The following DNAH3 variants were observed in gnomAD, a reference collection of about 807,000 sequenced individuals.
DNAH3 encodes axonemal beta dynein heavy chain 3.
In DNAH3, 332 loss-of-function variants were observed where a neutral mutation model predicts 432.5. That is an observed-to-expected ratio of 0.77 (90% CI 0.70 to 0.84). The LOEUF (loss-of-function observed/expected upper bound fraction) is 0.84, where lower values mean the gene tolerates loss of function less well. Ranked by LOEUF, DNAH3 falls within the 40% of genes least tolerant of loss-of-function variation. DNAH3 has a pLI of 0.00. For missense variants in DNAH3, 4,861 were observed against 5,114.0 expected, an observed-to-expected ratio of 0.95 and a Z score of 1.51; for synonymous variants, 1,956 against 1,900.2, an observed-to-expected ratio of 1.03 and a Z score of -0.76.
At chr16:21,130,831 T>C (rs1452356830) in intron 7 of DNAH3, among the ~76,000 whole-genome samples, 2 of 152,214 alleles carry the variant, frequency 1.3e-5, no homozygotes, top group Non-Finnish European at 2.9e-5. Flanking sequence ...TGAACTTCTT[T>C]ATGAAGTTTC....
Position 21,085,208 on chromosome 16 carries a change from C to T in DNAH3, c.2877+1641G>A, listed in dbSNP as rs550236663. ...AGCCTGGGCAACATAGTAAGACCCC[C>T]CCCATCTCTATTTTAAAAATCAATT... is the stretch of plus-strand genomic sequence containing the variant. On this transcript the variant is annotated intron_variant, in intron 19 of 61. Transcript: ENST00000261383. 7.0e-4 allele frequency among the ~76,000 whole-genome samples: 106 copies of T among 151,790 alleles called. 1 individual carries two copies. Among genetic ancestry groups the T allele is most frequent in the Admixed American group, 5.3e-3 (80 of 15,238 alleles).
intron 37 of DNAH3, among the ~76,000 whole-genome samples, chr16:21,027,931 G>T (rs1211904056): frequency 6.6e-6 from 1 of 152,144 alleles, no homozygotes; most frequent in Non-Finnish European, 1.5e-5. Context: ...TTGAACACCC[G>T]CATGGACTAA....
chr16:21,155,782 G>A (rs1240573489), intron 1 of DNAH3, among the ~76,000 whole-genome samples: 2 of 152,086 alleles, frequency 1.3e-5, no homozygotes, highest in African/African-American at 2.4e-5. Context: ...AACATGGGGA[G>A]CAGAGGTCAG....
At chr16:21,084,308 TTTTTACTTTATTTA>T (rs1470882628) in intron 19 of DNAH3, among the ~76,000 whole-genome samples, 8 of 149,516 alleles carry the variant, frequency 5.4e-5, no homozygotes, top group Non-Finnish European at 1.2e-4. Context: ...GGTTAGAATT[TTTTTACTTTATTTA>T]TTTATTTATT....
Position 21,006,760 on chromosome 16 carries a change from T to C in DNAH3, c.6023-3553A>G, listed in dbSNP as rs370323678. ...GAGTGCAGTGGCACAATCTTGCTCA[T>C]TGCAACCTCAACCTCCTGGACTCAA... On this transcript the variant is annotated intron_variant, in intron 41 of 61. Transcript: ENST00000261383. 1.3e-3 allele frequency among the ~76,000 whole-genome samples: 191 copies of C among 151,916 alleles called. 7 individuals carry two copies. The South Asian group carries it at 0.039, about 31-fold the overall frequency.
chr16:21,036,156 C>G (rs1226053463), intron 35 of DNAH3, among the ~76,000 whole-genome samples: 1 of 152,056 alleles, frequency 6.6e-6, no homozygotes, highest in Non-Finnish European at 1.5e-5. Context: ...GAAACCCCAT[C>G]CCTACAAAAA....
intron 49 of DNAH3, among the ~76,000 whole-genome samples, chr16:20,980,298 A>ATATATTATATTATATATTATAATATATAC (rs1567572239): frequency 2.1e-5 from 3 of 142,688 alleles, no homozygotes; most frequent in Non-Finnish European, 3.0e-5. Context: ...AATATACATC[A>ATATATTATATTATATATTATAATATATAC]TATATTATAT....
At chr16:21,146,187 G>A in intron 1 of DNAH3, 99 bp from the exon 3 acceptor site, 1 of 720,068 alleles carries the variant, frequency 1.4e-6, no homozygotes, top group Non-Finnish European at 2.5e-6. Context: ...AAAAGTTTTA[G>A]GTCCAGAGTT....
At chr16:21,041,217 A>G (rs961563127) in intron 32 of DNAH3, among the ~76,000 whole-genome samples, 1 of 152,078 alleles carries the variant, frequency 6.6e-6, no homozygotes, top group Non-Finnish European at 1.5e-5. Context: ...CTAAAAATAC[A>G]AAAATTAGCT....
At position 21,000,302 on chromosome 16, in the gene DNAH3, T is replaced by C. The variant is rs541071206; in HGVS notation, c.6343A>G (p.Ile2115Val). The C allele has an allele frequency of 3.1e-6, 5 of 1,614,156 alleles. 1 individual carries two copies. The South Asian group carries it at 4.4e-5, about 14-fold the overall frequency. Residue 2115 changes from isoleucine to valine, a missense_variant, in exon 43 of 62, where the codon ATC (isoleucine) becomes GTC (valine). Transcript: ENST00000261383. ...CGTCGATCCAGCTTGGACATGATGA[T>C]ATCCTGGGTCTGATTGGCTGAGGTT... is the stretch of plus-strand genomic sequence containing the variant.
chr16:21,064,860 GGTGTGT>G (rs369066790), intron 24 of DNAH3, among the ~76,000 whole-genome samples: 12,250 of 131,620 alleles, frequency 0.093, 1,059 homozygotes, highest in African/African-American at 0.24. Flanking sequence ...TATTGAGGTA[GGTGTGT>G]GTGTGTGTGT....
At position 20,971,706 on chromosome 16, in the gene DNAH3, C is replaced by G. The variant is rs565444280; in HGVS notation, c.8260-1716G>C. ...CCTTGTGCGATCACTCACCTCCCTC[C>G]TGCTCCAACAAGTCGCTGTTTGGCC... On this transcript the variant is annotated intron_variant, in intron 51 of 61. Transcript: ENST00000261383. Among the ~76,000 whole-genome samples, 114 of 152,314 alleles carry G rather than the reference C, an allele frequency of 7.5e-4. No individual in the cohort carries two copies. The South Asian group carries it at 0.023, about 30-fold the overall frequency.
In DNAH3 at chr16:20,997,122, A is replaced by C. The variant is rs567520018; in HGVS notation, c.6601+161T>G. 1.5e-4 allele frequency: 92 copies of C among 628,380 alleles called. No individual in the cohort carries two copies. In the African/African-American group the frequency reaches 1.6e-3, roughly 11 times the overall value. The allele number at this position is 628,380 out of a possible 1,614,324, so 38.9% of individuals were successfully genotyped here. A position where few individuals can be genotyped will look rare whatever the true frequency, so the allele number is the denominator to read the frequency against. On this transcript the variant is annotated intron_variant, in intron 44 of 61. Coordinates refer to ENST00000261383, the Ensembl canonical transcript of DNAH3. Reference sequence around the variant, plus strand: ...CCATCGTCCCCTTCTATTTCACACAATTTCCAACATGAAGCCTGTAGCCTA... The same window carrying C: ...CCATCGTCCCCTTCTATTTCACACACTTTCCAACATGAAGCCTGTAGCCTA...
chr16:21,031,759 G>A (rs973934710), intron 36 of DNAH3, among the ~76,000 whole-genome samples: 41 of 152,210 alleles, frequency 2.7e-4, no homozygotes, highest in African/African-American at 8.4e-4. Context: ...TGGGCACAGT[G>A]GCTCACGCCT....
chr16:20,987,847 T>C (rs746957257), exon 46 of DNAH3: 1 of 1,614,090 alleles, frequency 6.2e-7, no homozygotes, highest in African/African-American at 1.3e-5. Context: ...CATCTTTCCG[T>C]ACCTTGGGAG....
chr16:20,975,136 T>TACC, intron 51 of DNAH3, 97 bp downstream of exon 51: 1 of 1,454,020 alleles, frequency 6.9e-7, no homozygotes, highest in Non-Finnish European at 9.3e-7. Context: ...CAGCCTTGCC[T>TACC]ACCCTTTCTG....
chr16:21,022,194 G>C, intron 39 of DNAH3, 94 bp from the exon 40 acceptor site: 1 of 1,348,686 alleles, frequency 7.4e-7, no homozygotes, highest in Non-Finnish European at 1.0e-6. Context: ...TAGAGATGCT[G>C]GTTAGACTGC....
exon 53 of DNAH3, chr16:20,963,985 T>A (rs200171345): frequency 6.2e-7 from 1 of 1,614,194 alleles, no homozygotes; most frequent in East Asian, 2.2e-5. Flanking sequence ...GGTGGCAGAA[T>A]GCACAGCCAC....
At chr16:20,954,938 T>C (rs1291655347) in exon 55 of DNAH3, 9 of 1,614,124 alleles carry the variant, frequency 5.6e-6, no homozygotes, top group African/African-American at 1.3e-5. Context: ...GATGGGGTCA[T>C]TGAGGTAGGA....
Sources: allele counts gnomAD v4.1 joint callset (sites outside exome capture counted in the v4.1 genomes callset), GRCh38; gene constraint gnomAD v4.1.1; transcripts MANE v1.5; gene names NCBI Gene and HGNC (gene_info 2026-07-23, HGNC 2026-07-21).